The following FLRT2 variants were observed in gnomAD, a reference collection of about 807,000 sequenced individuals.
FLRT2 encodes the protein fibronectin leucine rich transmembrane protein 2.
Under a neutral mutation model 40.0 loss-of-function variants are expected in FLRT2, and 15 were observed. The observed-to-expected ratio is 0.38, with a 90% CI of 0.25 to 0.58. The LOEUF is 0.58. Among genes scored for constraint, FLRT2 ranks in the 20% least tolerant of loss-of-function variants. FLRT2 has a pLI of 0.71. For missense variants in FLRT2, 726 were observed against 840.0 expected, an observed-to-expected ratio of 0.86 and a Z score of 1.68; for synonymous variants, 380 against 336.8, an observed-to-expected ratio of 1.13 and a Z score of -1.41.
intron 1 of FLRT2, among the ~76,000 whole-genome samples, chr14:85,545,808 C>G (rs1175866845): frequency 6.6e-6 from 1 of 152,188 alleles, no homozygotes; most frequent in Non-Finnish European, 1.5e-5. Flanking sequence ...TTTCCCCTTA[C>G]CCTTTTACCA....
At chr14:85,620,149 A>G (rs1893315956) in intron 1 of FLRT2, among the ~76,000 whole-genome samples, 1 of 152,168 alleles carries the variant, frequency 6.6e-6, no homozygotes, top group African/African-American at 2.4e-5. Context: ...AGGAAGGGAG[A>G]CAAGAAGTGG....
rs375501713 is a variant in FLRT2 at position 85,618,696 on chromosome 14, C to T, written c.-376-2443C>T. ...TCTCAAAAGAGTCATGTAACATGCT[C>T]TTGCATCTATTTTACATTTAATAAA... is the stretch of plus-strand genomic sequence containing the variant. On this transcript the variant is annotated intron_variant, in intron 1 of 1. Coordinates refer to ENST00000330753, the MANE Select transcript of FLRT2 (RefSeq NM_013231.6). 1.0e-3 allele frequency among the ~76,000 whole-genome samples: 154 copies of T among 152,288 alleles called. 3 individuals carry two copies. In the South Asian group the frequency reaches 0.032, roughly 31 times the overall value.
At chr14:85,618,701 A>G (rs1360763487) in intron 1 of FLRT2, among the ~76,000 whole-genome samples, 1 of 152,222 alleles carries the variant, frequency 6.6e-6, no homozygotes, top group Non-Finnish European at 1.5e-5. Flanking sequence ...ATGCTCTTGC[A>G]TCTATTTTAC....
In FLRT2 at chr14:85,641,453, A is replaced by G. The variant is rs1894147256; in HGVS notation, c.*17956A>G. 1 of 152,236 alleles carries G rather than the reference A, an allele frequency of 6.6e-6. No individual in the cohort carries two copies. The highest frequency in any genetic ancestry group is 6.5e-5 in the Admixed American group (1 of 15,282). The allele number at this position is 152,236 out of a possible 1,614,324, so 9.4% of individuals were successfully genotyped here. ...CAAGAGGCCATCAGGCACGGTGCCC[A>G]TAATCAGTGTTTTAGTGTCTGGTCA... is the stretch of plus-strand genomic sequence containing the variant. On this transcript the variant is annotated 3_prime_UTR_variant, in exon 2 of 2. Transcript: ENST00000330753.
intron 1 of FLRT2, among the ~76,000 whole-genome samples, chr14:85,614,735 C>G (rs899612436): frequency 2.0e-5 from 3 of 152,044 alleles, no homozygotes; most frequent in South Asian, 2.1e-4. Context: ...TTTAATGACC[C>G]TCAGGTTTGG....
At chr14:85,599,831 G>A (rs1248626584) in intron 1 of FLRT2, among the ~76,000 whole-genome samples, 3 of 152,032 alleles carry the variant, frequency 2.0e-5, no homozygotes, top group African/African-American at 4.8e-5. Context: ...ACTTCCCCAA[G>A]GTCACATAGC....
chr14:85,593,624 T>G (rs1305201046), intron 1 of FLRT2, among the ~76,000 whole-genome samples: 1 of 152,214 alleles, frequency 6.6e-6, no homozygotes, highest in African/African-American at 2.4e-5. Context: ...TCTTCACTCT[T>G]TACAACATTG....
chr14:85,558,221 T>C (rs1206448906), intron 1 of FLRT2, among the ~76,000 whole-genome samples: 1 of 152,220 alleles, frequency 6.6e-6, no homozygotes, highest in Non-Finnish European at 1.5e-5. Context: ...ATTTTTAATT[T>C]GTAAGCAGAA....
In FLRT2 at chr14:85,634,675, C is replaced by T. The variant is rs1028054978; in HGVS notation, c.*11178C>T. 6 of 152,196 alleles carry T rather than the reference C, an allele frequency of 3.9e-5. No individual in the cohort carries two copies. The highest frequency in any genetic ancestry group is 1.4e-4 in the African/African-American group (6 of 41,456). 9.4% of individuals were successfully genotyped at this position (152,196 alleles called of 1,614,324 possible). A position where few individuals can be genotyped will look rare whatever the true frequency, so the allele number is the denominator to read the frequency against. ...TTGGGCATGTATATGCTTCAATTTT[C>T]TCATCTGTACATGGGTTAATAACAA... On this transcript the variant is annotated 3_prime_UTR_variant, in exon 2 of 2. Coordinates refer to ENST00000330753, the MANE Select transcript of FLRT2 (RefSeq NM_013231.6).
At chr14:85,616,385 T>C (rs1444389758) in intron 1 of FLRT2, among the ~76,000 whole-genome samples, 1 of 152,180 alleles carries the variant, frequency 6.6e-6, no homozygotes, top group Non-Finnish European at 1.5e-5. Context: ...ACTATTTTTA[T>C]CACCAACATT....
rs1300726641 is a variant in FLRT2 at position 85,646,314 on chromosome 14, A to G, written c.*22817A>G. 3 of 152,228 alleles carry G rather than the reference A, an allele frequency of 2.0e-5. No homozygotes were observed. Among genetic ancestry groups the G allele is most frequent in the Non-Finnish European group, 4.4e-5 (3 of 68,046 alleles). The allele number at this position is 152,228 out of a possible 1,614,324, so 9.4% of individuals were successfully genotyped here. A position where few individuals can be genotyped will look rare whatever the true frequency, so the allele number is the denominator to read the frequency against. ...GATGTATGATCTGAATTAGTGGCCAATACCTGGCCCTTTTTGTCTGTAGTT... is the reference window on the plus strand; with the variant it reads ...GATGTATGATCTGAATTAGTGGCCAGTACCTGGCCCTTTTTGTCTGTAGTT... On this transcript the variant is annotated 3_prime_UTR_variant, in exon 2 of 2. Transcript: ENST00000330753.
At chr14:85,549,752 C>T (rs1889498190) in intron 1 of FLRT2, among the ~76,000 whole-genome samples, 1 of 151,754 alleles carries the variant, frequency 6.6e-6, no homozygotes, top group African/African-American at 2.4e-5. Flanking sequence ...GCATTAAAAT[C>T]CCTATCCCTT....
Position 85,652,117 on chromosome 14 carries a change from A to T in FLRT2, c.*28620A>T, listed in dbSNP as rs1032172801. ...GAACAACAAAGTCTCCTTAGGAGGCAAAACAAAGTATTATTAAAAGTATGT... is the reference window on the plus strand; with the variant it reads ...GAACAACAAAGTCTCCTTAGGAGGCTAAACAAAGTATTATTAAAAGTATGT... On this transcript the variant is annotated 3_prime_UTR_variant, in exon 2 of 2. Transcript: ENST00000330753. 5.3e-5 allele frequency: 8 copies of T among 152,156 alleles called. No homozygotes were observed. Among genetic ancestry groups the T allele is most frequent in the Non-Finnish European group, 1.2e-4 (8 of 67,984 alleles). 9.4% of individuals were successfully genotyped at this position (152,156 alleles called of 1,614,324 possible).
At chr14:85,534,719 G>T (rs1460830695) in intron 1 of FLRT2, among the ~76,000 whole-genome samples, 1 of 152,026 alleles carries the variant, frequency 6.6e-6, no homozygotes, top group Non-Finnish European at 1.5e-5. Context: ...GGCCGCGTGT[G>T]CGCATTGAGG....
intron 1 of FLRT2, among the ~76,000 whole-genome samples, chr14:85,567,223 G>T (rs1890664468): frequency 6.6e-6 from 1 of 152,138 alleles, no homozygotes; most frequent in Non-Finnish European, 1.5e-5. Context: ...AGAATCCCAT[G>T]GACACTGGAC....
chr14:85,538,377 A>G (rs1000799644), intron 1 of FLRT2, among the ~76,000 whole-genome samples: 2 of 152,126 alleles, frequency 1.3e-5, no homozygotes, highest in Non-Finnish European at 2.9e-5. Context: ...ATGGTTAAAG[A>G]CCTCAGCCAT....
chr14:85,587,792 T>C (rs1891691460), intron 1 of FLRT2, among the ~76,000 whole-genome samples: 1 of 152,184 alleles, frequency 6.6e-6, no homozygotes, highest in African/African-American at 2.4e-5. Flanking sequence ...AACATCCTCT[T>C]TTAGCATAAA....
chr14:85,576,998 A>G (rs1891149860), intron 1 of FLRT2, among the ~76,000 whole-genome samples: 1 of 152,238 alleles, frequency 6.6e-6, no homozygotes, highest in South Asian at 2.1e-4. Context: ...TCTTCTAAAT[A>G]TAGTTCAGGA....
At chr14:85,579,507 C>T (rs1891291308) in intron 1 of FLRT2, among the ~76,000 whole-genome samples, 1 of 152,000 alleles carries the variant, frequency 6.6e-6, no homozygotes, top group Non-Finnish European at 1.5e-5. Flanking sequence ...TGGAAAGTGT[C>T]GGAAAATTTA....
Sources: gnomAD v4.1 joint callset for allele counts (sites outside exome capture counted in the v4.1 genomes callset) on GRCh38, gnomAD v4.1.1 for gene constraint, MANE v1.5 for transcripts, NCBI Gene and HGNC (gene_info 2026-07-23, HGNC 2026-07-21) for gene names.